The following KLF7 variants were observed in gnomAD, a reference collection of about 807,000 sequenced individuals.
KLF7 encodes the protein KLF transcription factor 7, also known as Krueppel-like factor 7.
KLF7 carries 2 observed loss-of-function variants against 27.3 expected under a neutral mutation model. That is an observed-to-expected ratio of 0.07 (90% CI 0.03 to 0.23). KLF7 has a LOEUF of 0.23. Ranked by LOEUF, KLF7 falls within the 10% of genes least tolerant of loss-of-function variation. KLF7 has a pLI of 1.00. For synonymous variants in KLF7, 165 were observed against 162.4 expected (o/e 1.02, Z -0.12); for missense variants, 221 against 394.1 (o/e 0.56, Z 3.72).
At chr2:207,096,845 G>A (rs761866024) in intron 2 of KLF7, among the ~76,000 whole-genome samples, 53 of 152,286 alleles carry the variant, frequency 3.5e-4, no homozygotes, top group Non-Finnish European at 7.6e-4. Context: ...GTGCCATTAA[G>A]AAACACAAAA....
intron 1 of KLF7, among the ~76,000 whole-genome samples, chr2:207,126,354 T>C (rs892174736): frequency 6.6e-6 from 1 of 152,188 alleles, no homozygotes; most frequent in African/African-American, 2.4e-5. Context: ...CCAAGCACAG[T>C]GCCTGGCACC....
chr2:207,101,183 A>G (rs1256800070), intron 2 of KLF7, among the ~76,000 whole-genome samples: 2 of 152,252 alleles, frequency 1.3e-5, no homozygotes, highest in African/African-American at 4.8e-5. Flanking sequence ...TAGTCTCTTC[A>G]GTGTGACAAG....
chr2:207,137,992 G>A (rs1371606033), intron 1 of KLF7, among the ~76,000 whole-genome samples: 2 of 152,186 alleles, frequency 1.3e-5, no homozygotes, highest in African/African-American at 4.8e-5. Context: ...AAAATCAAGT[G>A]CTGAGACCCT....
At chr2:207,157,219 T>TTAAAAA (rs1491268311) in intron 1 of KLF7, among the ~76,000 whole-genome samples, 1 of 87,312 alleles carries the variant, frequency 1.1e-5, no homozygotes, top group African/African-American at 4.3e-5. Flanking sequence ...AACAGAAAAG[T>TTAAAAA]AAAAAAAAAA....
chr2:207,087,715 T>C (rs2076423243), intron 3 of KLF7, among the ~76,000 whole-genome samples: 2 of 152,208 alleles, frequency 1.3e-5, no homozygotes, highest in African/African-American at 2.4e-5. Flanking sequence ...TTTGATTATG[T>C]CTAAACCTAA....
At chr2:207,146,217 T>A (rs1029374809) in intron 1 of KLF7, among the ~76,000 whole-genome samples, 6 of 152,210 alleles carry the variant, frequency 3.9e-5, no homozygotes, top group Non-Finnish European at 7.3e-5. Flanking sequence ...CATCTCTTCA[T>A]ACATATCACC....
chr2:207,172,234 C>T (rs535399590), upstream of KLF7, among the ~76,000 whole-genome samples: 43 of 152,178 alleles, frequency 2.8e-4, no homozygotes, highest in Non-Finnish European at 5.3e-4. Context: ...TGAAGACCTT[C>T]GTGTGACAGG....
intron 2 of KLF7, among the ~76,000 whole-genome samples, chr2:207,103,791 A>T (rs1336620325): frequency 2.0e-5 from 3 of 152,200 alleles, no homozygotes; most frequent in Non-Finnish European, 4.4e-5. Context: ...CCCTCGCAGG[A>T]TTATCGTGAA....
At position 207,150,408 on chromosome 2, in the gene KLF7, G is replaced by C. The variant is rs554095767; in HGVS notation, c.102+15059C>G. ...ACAGCCCCACTGGAACAAATAAAAA[G>C]TCACTAAGTTCCTGCTCGGAAAACT... On this transcript the variant is annotated intron_variant, in intron 1 of 3. Transcript: ENST00000309446. Among the ~76,000 whole-genome samples the C allele has an allele frequency of 1.6e-3, 236 of 152,216 alleles. 1 individual carries two copies. The highest frequency in any genetic ancestry group is 6.5e-4 in the Non-Finnish European group (44 of 68,010).
chr2:207,108,192 A>G (rs1002017877), intron 2 of KLF7, among the ~76,000 whole-genome samples: 2 of 152,200 alleles, frequency 1.3e-5, no homozygotes, highest in African/African-American at 4.8e-5. Context: ...AAACCACAAA[A>G]ACAAAAATAA....
At chr2:207,130,739 G>C (rs1001454294) in intron 1 of KLF7, among the ~76,000 whole-genome samples, 1 of 152,108 alleles carries the variant, frequency 6.6e-6, no homozygotes, top group African/African-American at 2.4e-5. Context: ...CTTTTAATTT[G>C]AACATAAGAC....
chr2:207,169,637 G>T (rs2078772812), upstream of KLF7, among the ~76,000 whole-genome samples: 1 of 152,096 alleles, frequency 6.6e-6, no homozygotes, highest in Non-Finnish European at 1.5e-5. Context: ...TGGCAACCCT[G>T]CTTGGAACAA....
At chr2:207,156,045 G>A (rs763535172) in intron 1 of KLF7, among the ~76,000 whole-genome samples, 7 of 152,200 alleles carry the variant, frequency 4.6e-5, no homozygotes, top group Admixed American at 6.5e-5. Context: ...GCTAATTGCC[G>A]TTTTCACAGC....
intron 2 of KLF7, among the ~76,000 whole-genome samples, chr2:207,111,844 A>G (rs1355081877): frequency 6.6e-6 from 1 of 151,960 alleles, no homozygotes; most frequent in Non-Finnish European, 1.5e-5. Context: ...GTCTTCAAAG[A>G]CCCCTGCCCT....
chr2:207,156,698 G>A (rs2078391987), intron 1 of KLF7, among the ~76,000 whole-genome samples: 1 of 152,230 alleles, frequency 6.6e-6, no homozygotes, highest in Non-Finnish European at 1.5e-5. Context: ...AGACACTTTA[G>A]GGTGAGGGAA....
intron 1 of KLF7, among the ~76,000 whole-genome samples, chr2:207,132,079 C>T (rs1228261611): frequency 6.6e-6 from 1 of 152,016 alleles, no homozygotes; most frequent in Non-Finnish European, 1.5e-5. Context: ...CTTTCATGAC[C>T]AGGAAATATT....
intron 2 of KLF7, among the ~76,000 whole-genome samples, chr2:207,096,742 C>T (rs1375898862): frequency 6.6e-6 from 1 of 152,216 alleles, no homozygotes; most frequent in East Asian, 1.9e-4. Flanking sequence ...CCACATTTGA[C>T]TTGTTCGCCA....
chr2:207,094,939 T>C (rs965594603), intron 2 of KLF7, among the ~76,000 whole-genome samples: 2 of 152,150 alleles, frequency 1.3e-5, no homozygotes, highest in Non-Finnish European at 2.9e-5. Flanking sequence ...ATCCATTACT[T>C]GCTTACTCAA....
At chr2:207,150,847 G>C (rs1020140775) in intron 1 of KLF7, among the ~76,000 whole-genome samples, 26 of 151,924 alleles carry the variant, frequency 1.7e-4, no homozygotes, top group Admixed American at 3.3e-4. Flanking sequence ...ATATATTAAG[G>C]CTGCATGTGT....
Sources: allele counts gnomAD v4.1 joint callset (sites outside exome capture counted in the v4.1 genomes callset), GRCh38; gene constraint gnomAD v4.1.1; transcripts MANE v1.5; gene names NCBI Gene and HGNC (gene_info 2026-07-23, HGNC 2026-07-21).